Variants in SOS1 observed in about 807,000 individuals in gnomAD.
SOS1 encodes SOS Ras/Rac guanine nucleotide exchange factor 1, also known as son of sevenless homolog 1.
A neutral mutation model predicts 157.6 loss-of-function variants in SOS1; 25 were observed. The ratio of observed to expected loss-of-function variants is 0.16; its 90% CI spans 0.12 to 0.22. SOS1 has a LOEUF of 0.22. Among genes scored for constraint, SOS1 ranks in the 10% least tolerant of loss-of-function variants. The probability of loss-of-function intolerance (pLI) is 1.00; values close to 1 mark genes in which losing one functional copy is unlikely to be tolerated. For synonymous variants in SOS1, 528 were observed against 534.0 expected (o/e 0.99, Z 0.16); for missense variants, 1,237 against 1,599.1 (o/e 0.77, Z 3.86).
At chr2:39,092,417 C>A (rs1572886795) in intron 1 of SOS1, among the ~76,000 whole-genome samples, 1 of 152,200 alleles carries the variant, frequency 6.6e-6, no homozygotes, top group African/African-American at 2.4e-5. Context: ...CTGGTCTCTT[C>A]TCAAATGTCA....
At position 39,040,720 on chromosome 2, in the gene SOS1, A is replaced by G. The variant is rs561226938; in HGVS notation, c.865-5220T>C. Among the ~76,000 whole-genome samples the G allele has an allele frequency of 3.3e-5, 5 of 152,332 alleles. No homozygotes were observed. The East Asian group carries it at 9.6e-4, about 29-fold the overall frequency. ...TTCTACTGTAATGTATTTACCATAT[A>G]CATTTAATTTAACCATTCATCTGTT... On this transcript the variant is annotated intron_variant, in intron 6 of 22. Transcript: ENST00000402219.
chr2:39,037,470 A>G (rs958825777), intron 6 of SOS1, among the ~76,000 whole-genome samples: 1 of 152,228 alleles, frequency 6.6e-6, no homozygotes, highest in Non-Finnish European at 1.5e-5. Flanking sequence ...GTATGAATAT[A>G]TCAGTTTTCT....
chr2:39,094,053 G>C (rs911963672), intron 1 of SOS1, among the ~76,000 whole-genome samples: 1 of 152,062 alleles, frequency 6.6e-6, no homozygotes, highest in African/African-American at 2.4e-5. Context: ...CAAACCGGTT[G>C]AATGTAGAAA....
chr2:39,105,373 T>C (rs564264879), intron 1 of SOS1, among the ~76,000 whole-genome samples: 2 of 151,996 alleles, frequency 1.3e-5, no homozygotes, highest in African/African-American at 4.8e-5. Flanking sequence ...TGGTACAGCA[T>C]CCTAAAGTGC....
intron 14 of SOS1, among the ~76,000 whole-genome samples, chr2:39,011,324 CATT>C (rs1362241904): frequency 1.3e-5 from 2 of 152,122 alleles, no homozygotes; most frequent in African/African-American, 4.8e-5. Context: ...CACTTATAAA[CATT>C]ATTAATAAAT....
chr2:38,990,710 T>C (rs1348473804), intron 20 of SOS1, among the ~76,000 whole-genome samples: 2 of 152,204 alleles, frequency 1.3e-5, no homozygotes, highest in Non-Finnish European at 2.9e-5. Context: ...TAGTCTTTAA[T>C]TGTACATATG....
intron 1 of SOS1, among the ~76,000 whole-genome samples, chr2:39,091,577 T>C (rs1383368689): frequency 3.4e-5 from 5 of 148,818 alleles, no homozygotes; most frequent in Non-Finnish European, 7.4e-5. Context: ...CCTATTGGCA[T>C]ATAAAAGAAC....
At chr2:39,003,066 C>CAAAAAAAAA (rs57338404) in intron 17 of SOS1, among the ~76,000 whole-genome samples, 2,910 of 71,990 alleles carry the variant, frequency 0.04, 171 homozygotes, top group African/African-American at 0.11. Flanking sequence ...GACCTTGTAT[C>CAAAAAAAAA]AAAAAAAAAA....
At chr2:39,070,301 G>A (rs1464665799) in intron 1 of SOS1, among the ~76,000 whole-genome samples, 5 of 152,090 alleles carry the variant, frequency 3.3e-5, no homozygotes, top group Non-Finnish European at 7.4e-5. Flanking sequence ...ACCACCACAT[G>A]GTAGGCTATT....
At chr2:39,086,029 T>C (rs1272314768) in intron 1 of SOS1, among the ~76,000 whole-genome samples, 2 of 152,230 alleles carry the variant, frequency 1.3e-5, no homozygotes, top group African/African-American at 4.8e-5. Flanking sequence ...AGTGTAACCC[T>C]GCACGAATTA....
chr2:39,027,297 AACTGTAGCATTTTAC>A (rs1410124785), intron 8 of SOS1, among the ~76,000 whole-genome samples: 1 of 152,206 alleles, frequency 6.6e-6, no homozygotes, highest in Non-Finnish European at 1.5e-5. Flanking sequence ...TCTACTATTT[AACTGTAGCATTTTAC>A]ATACAGAATA....
chr2:39,123,246 C>G (rs764099749), upstream of SOS1, among the ~76,000 whole-genome samples: 1 of 152,016 alleles, frequency 6.6e-6, no homozygotes, highest in African/African-American at 2.4e-5. Context: ...ACCTTATGTT[C>G]TTTTTATTTC....
intron 17 of SOS1, among the ~76,000 whole-genome samples, chr2:38,999,025 T>C (rs1191310716): frequency 6.6e-6 from 1 of 152,236 alleles, no homozygotes; most frequent in Non-Finnish European, 1.5e-5. Context: ...TTAGTAGGAA[T>C]GCATAACATG....
At chr2:38,989,162 G>A in intron 21 of SOS1, 108 bp downstream of exon 21, 1 of 754,582 alleles carries the variant, frequency 1.3e-6, no homozygotes, top group Non-Finnish European at 2.4e-6. Flanking sequence ...TTGCAAGCAA[G>A]GTACCAATGC....
In SOS1 at chr2:39,023,210, C is replaced by T; in HGVS notation, c.1218G>A (p.Arg406=). ...TCCCCTTCATTTGCTGACTATAAAA[C>T]CGACATGCAGATTCACTGGAATAAA... The part of the protein sequence containing the change: ...AKRRLSESAC[R]FYSQQMKGKQ... Residue 406 remains arginine, a synonymous_variant, in exon 10 of 23, where the codon CGG becomes CGA. Coordinates refer to ENST00000402219, the MANE Select transcript of SOS1 (RefSeq NM_005633.4). The T allele has an allele frequency of 1.9e-6, 3 of 1,612,682 alleles. No homozygotes were observed. Among genetic ancestry groups the T allele is most frequent in the East Asian group, 4.5e-5 (2 of 44,850 alleles).
At chr2:39,102,695 A>C (rs1267291054) in intron 1 of SOS1, among the ~76,000 whole-genome samples, 13 of 152,190 alleles carry the variant, frequency 8.5e-5, no homozygotes, top group Non-Finnish European at 1.2e-4. Context: ...CCATAATCCC[A>C]GCACTTTGGG....
chr2:39,003,655 T>A, intron 17 of SOS1, among the ~76,000 whole-genome samples: 1 of 152,228 alleles, frequency 6.6e-6, no homozygotes, highest in East Asian at 1.9e-4. Context: ...ATATAATAAA[T>A]GTTCTTTACA....
At chr2:39,045,345 TTTTG>T (rs1349405851) in intron 6 of SOS1, among the ~76,000 whole-genome samples, 2 of 151,764 alleles carry the variant, frequency 1.3e-5, no homozygotes, top group East Asian at 1.9e-4. Context: ...GCCTAATCTT[TTTTG>T]TTTGATCTTT....
At chr2:39,096,742 C>T (rs956855642) in intron 1 of SOS1, among the ~76,000 whole-genome samples, 3 of 151,902 alleles carry the variant, frequency 2.0e-5, no homozygotes, top group Non-Finnish European at 4.4e-5. Flanking sequence ...AAAAATTAGC[C>T]GGATGTGGTG....
Sources: gnomAD v4.1 joint callset for allele counts (sites outside exome capture counted in the v4.1 genomes callset) on GRCh38, gnomAD v4.1.1 for gene constraint, MANE v1.5 for transcripts, NCBI Gene and HGNC (gene_info 2026-07-23, HGNC 2026-07-21) for gene names.